ARHGAP20: variants seen among roughly 807,000 people sequenced by gnomAD.
ARHGAP20 encodes the protein rho GTPase-activating protein 20.
In ARHGAP20, 34 loss-of-function variants were observed where a neutral mutation model predicts 73.7. That is an observed-to-expected ratio of 0.46 (90% CI 0.35 to 0.61). The LOEUF is 0.61. ARHGAP20 is among the 20% of genes least tolerant of loss of function. The probability of loss-of-function intolerance (pLI) is 0.00; values close to 1 mark genes in which losing one functional copy is unlikely to be tolerated. For synonymous variants in ARHGAP20, 523 were observed against 518.2 expected (o/e 1.01, Z -0.13); for missense variants, 1,314 against 1,420.9 (o/e 0.92, Z 1.21).
chr11:110,639,051 C>T (rs1949026753), intron 2 of ARHGAP20, among the ~76,000 whole-genome samples: 1 of 151,734 alleles, frequency 6.6e-6, no homozygotes, highest in African/African-American at 2.4e-5. Context: ...GTTTTATTTC[C>T]TTATTTTTAA....
Position 110,712,285 on chromosome 11 carries a change from C to G in ARHGAP20, c.-54G>C, listed in dbSNP as rs1441220438. On this transcript the variant is annotated 5_prime_UTR_variant, in exon 1 of 15. Transcript: ENST00000683387. ...CAGGAGGAGGCTACACGATCATGTC[C>G]GCGGGCTGCCGGCCGGAGGGGCGAG... 4.0e-6 allele frequency: 5 copies of G among 1,250,862 alleles called. No individual in the cohort carries two copies. The highest frequency in any genetic ancestry group is 4.1e-5 in the Admixed American group (1 of 24,436). 77.5% of individuals were successfully genotyped at this position (1,250,862 alleles called of 1,614,324 possible).
At chr11:110,644,544 A>G (rs2100218) in intron 2 of ARHGAP20, among the ~76,000 whole-genome samples, 42,286 of 151,942 alleles carry the variant, frequency 0.28, 6,368 homozygotes, top group African/African-American at 0.41. Flanking sequence ...CAATAAAAAA[A>G]CAGGGGAAAG....
chr11:110,649,698 G>C (rs971952852), intron 2 of ARHGAP20, among the ~76,000 whole-genome samples: 7 of 152,050 alleles, frequency 4.6e-5, no homozygotes, highest in Non-Finnish European at 5.9e-5. Flanking sequence ...AGAATAAAAA[G>C]ATGTGTGATA....
rs146417521 is a variant in ARHGAP20, at chr11:110,577,730, A to T, written c.*1640T>A. ...TCACGAAGTAGCTCTTTGGATACAG[A>T]GTTCTAAAAGATCATTGTAATGGTT... is the stretch of plus-strand genomic sequence containing the variant. On this transcript the variant is annotated 3_prime_UTR_variant, in exon 15 of 15. Transcript: ENST00000683387. The T allele has an allele frequency of 6.1e-6, 6 of 985,924 alleles. No homozygotes were observed. The East Asian group carries it at 4.5e-4, about 75-fold the overall frequency. 61.1% of individuals were successfully genotyped at this position (985,924 alleles called of 1,614,324 possible). A position where few individuals can be genotyped will look rare whatever the true frequency, so the allele number is the denominator to read the frequency against.
chr11:110,618,764 T>C (rs1591319313), intron 4 of ARHGAP20, among the ~76,000 whole-genome samples: 1 of 109,412 alleles, frequency 9.1e-6, no homozygotes, highest in Non-Finnish European at 1.9e-5. Context: ...ATAGCATATA[T>C]GTAGTGATAG....
chr11:110,586,829 C>CT (rs1947681156), intron 11 of ARHGAP20, among the ~76,000 whole-genome samples: 1 of 152,122 alleles, frequency 6.6e-6, no homozygotes, highest in Admixed American at 6.5e-5. Flanking sequence ...TATCTTGGAA[C>CT]TTTATATTCC....
intron 1 of ARHGAP20, among the ~76,000 whole-genome samples, chr11:110,698,259 T>C: frequency 6.6e-6 from 1 of 151,816 alleles, no homozygotes; most frequent in South Asian, 2.1e-4. Flanking sequence ...ATTGCATCCC[T>C]GGGATAAAAC....
Position 110,580,094 on chromosome 11 carries a change from C to G in ARHGAP20, c.2852G>C (p.Ser951Thr). ...CTGAGAAAAAGCACTGTCTTGGGAG[C>G]TTACTGATGAGCCGGATGGGGAAGT... The part of the protein sequence containing the change: ...PGTSPSGSSV[S>T]SQDSAFSQIS... The change falls in exon 15 of 15, where the codon AGC (serine) becomes ACC (threonine). Residue 951 changes from serine (S) to threonine (T), a missense_variant. By Grantham distance (58) the Ser-to-Thr change is moderately conservative. This residue lies in a region of ARHGAP20 where 641 missense variants were observed against 636.9 expected (regional missense o/e 1.01). Coordinates refer to ENST00000683387, the MANE Select transcript of ARHGAP20 (RefSeq NM_001384657.1). The G allele has an allele frequency of 1.2e-6, 2 of 1,614,186 alleles. No homozygotes were observed. Among genetic ancestry groups the G allele is most frequent in the Non-Finnish European group, 1.7e-6 (2 of 1,180,038 alleles).
At chr11:110,618,742 G>A in intron 4 of ARHGAP20, among the ~76,000 whole-genome samples, 1 of 139,304 alleles carries the variant, frequency 7.2e-6, no homozygotes, top group African/African-American at 2.8e-5. Flanking sequence ...CAGTGATAGA[G>A]TATATGCAGT....
chr11:110,670,187 C>T (rs1383856502), intron 2 of ARHGAP20, among the ~76,000 whole-genome samples: 1 of 152,074 alleles, frequency 6.6e-6, no homozygotes, highest in Non-Finnish European at 1.5e-5. Context: ...AAATCACACA[C>T]TTTATGTGTG....
At chr11:110,619,597 AGT>A (rs1181599222) in intron 4 of ARHGAP20, among the ~76,000 whole-genome samples, 5 of 151,044 alleles carry the variant, frequency 3.3e-5, no homozygotes, top group Non-Finnish European at 4.4e-5. Flanking sequence ...GTAGTGATAG[AGT>A]GTATGCAGTG....
chr11:110,679,404 G>C (rs1409081865), intron 2 of ARHGAP20, among the ~76,000 whole-genome samples: 1 of 152,122 alleles, frequency 6.6e-6, no homozygotes, highest in East Asian at 1.9e-4. Context: ...CCATTGTGGA[G>C]GCTAGTTACC....
chr11:110,653,960 C>T (rs987404381), intron 2 of ARHGAP20, among the ~76,000 whole-genome samples: 1 of 152,046 alleles, frequency 6.6e-6, no homozygotes. Flanking sequence ...GAACAGAAAA[C>T]CAAACACTCC....
intron 12 of ARHGAP20, among the ~76,000 whole-genome samples, chr11:110,584,416 C>CTGT (rs1947562698): frequency 6.7e-6 from 1 of 148,756 alleles, no homozygotes; most frequent in African/African-American, 2.5e-5. Context: ...ATATTCATGA[C>CTGT]TGTTTTTTTT....
At chr11:110,651,094 C>G (rs965632548) in intron 2 of ARHGAP20, among the ~76,000 whole-genome samples, 28 of 152,122 alleles carry the variant, frequency 1.8e-4, no homozygotes, top group African/African-American at 6.3e-4. Flanking sequence ...CACTCAAAAC[C>G]ACACAACTAC....
rs370976742 is a variant in ARHGAP20 at position 110,581,149 on chromosome 11, T to A, written c.1797A>T (p.Pro599=). 5 of 1,614,226 alleles carry A rather than the reference T, an allele frequency of 3.1e-6. No individual in the cohort carries two copies. In the South Asian group the frequency reaches 4.4e-5, roughly 14 times the overall value. Residue 599 remains proline, a synonymous_variant, in exon 15 of 15, where the codon CCA becomes CCT. Coordinates refer to ENST00000683387, the MANE Select transcript of ARHGAP20 (RefSeq NM_001384657.1). ...ENELNEDVDA[P]CSDLVKKLGQ... ...CAAGTTTCTTTACCAAGTCACTGCA[T>A]GGTGCATCAACATCCTCATTTAGCT... is the stretch of plus-strand genomic sequence containing the variant.
intron 11 of ARHGAP20, chr11:110,589,491 C>G (rs970289103): frequency 2.0e-6 from 2 of 985,318 alleles, no homozygotes; most frequent in Non-Finnish European, 2.4e-6. Context: ...TTGGTTTTCA[C>G]GTTTCAGCCT....
intron 2 of ARHGAP20, among the ~76,000 whole-genome samples, chr11:110,652,873 C>T (rs1175870607): frequency 2.6e-5 from 4 of 152,042 alleles, no homozygotes; most frequent in Admixed American, 6.6e-5. Context: ...AAAACAGATA[C>T]ATAGATCAAT....
At chr11:110,681,040 T>C (rs1269763620) in intron 2 of ARHGAP20, among the ~76,000 whole-genome samples, 1 of 152,186 alleles carries the variant, frequency 6.6e-6, no homozygotes, top group African/African-American at 2.4e-5. Flanking sequence ...AGTATTAAAT[T>C]TCTACTTTGG....
Sources: gnomAD v4.1 joint callset for allele counts (sites outside exome capture counted in the v4.1 genomes callset) on GRCh38, gnomAD v4.1.1 for gene constraint, gnomAD v4.1.1 regional missense constraint, MANE v1.5 for transcripts, NCBI Gene and HGNC (gene_info 2026-07-23, HGNC 2026-07-21) for gene names.